Variants in LYRM2 observed in about 807,000 individuals in gnomAD.
LYRM2 encodes LYR motif containing 2, also known as LYR motif-containing protein 2.
LYRM2 carries 8 observed loss-of-function variants against 11.6 expected under a neutral mutation model. The observed-to-expected ratio is 0.69, with a 90% CI of 0.40 to 1.24. The LOEUF (loss-of-function observed/expected upper bound fraction) is 1.24, where lower values mean the gene tolerates loss of function less well. Among genes scored for constraint, LYRM2 ranks in the 50% most tolerant of loss-of-function variants. LYRM2 has a pLI of 0.01. For missense variants in LYRM2, 117 were observed against 102.9 expected (o/e 1.14, Z -0.59); for synonymous variants, 30 against 36.4 (o/e 0.83, Z 0.63).
At chr6:89,638,514 C>G (rs965440986) in intron 1 of LYRM2, 158 bp downstream of exon 1, 1 of 1,540,816 alleles carries the variant, frequency 6.5e-7, no homozygotes, top group South Asian at 1.2e-5. Flanking sequence ...CGTCAGGCCC[C>G]GCGGAGCGAA....
In LYRM2 at chr6:89,634,244, C is replaced by A. The variant is rs1349324583; in HGVS notation, c.*3029G>T. ...AGTTTGAAAAACCTTTTGTATTCTACAATACCTTTTATGAGTAAGAGTAAA... is the reference window on the plus strand; with the variant it reads ...AGTTTGAAAAACCTTTTGTATTCTAAAATACCTTTTATGAGTAAGAGTAAA... On this transcript the variant is annotated 3_prime_UTR_variant, in exon 3 of 3. Transcript: ENST00000523377. 1 of 152,198 alleles carries A rather than the reference C, an allele frequency of 6.6e-6. No homozygotes were observed. Among genetic ancestry groups the A allele is most frequent in the Non-Finnish European group, 1.5e-5 (1 of 68,036 alleles). The allele number at this position is 152,198 out of a possible 1,614,324, so 9.4% of individuals were successfully genotyped here.
At chr6:89,638,138 T>G (rs1373775442) in intron 1 of LYRM2, 1 of 611,960 alleles carries the variant, frequency 1.6e-6, no homozygotes, top group African/African-American at 1.9e-5. Flanking sequence ...ATTGCGCTAC[T>G]GCACTCAGCC....
rs1807726931 is a variant in LYRM2 at position 89,633,154 on chromosome 6, G to T, written c.*4119C>A. On this transcript the variant is annotated 3_prime_UTR_variant, in exon 3 of 3. Transcript: ENST00000523377. ...TACAGAAGAATGAGAAGGGTCAAAA[G>T]GACCTAGTGTGGCTTACTACATGGA... 1 of 152,158 alleles carries T rather than the reference G, an allele frequency of 6.6e-6. No homozygotes were observed. The highest frequency in any genetic ancestry group is 6.5e-5 in the Admixed American group (1 of 15,280). The allele number at this position is 152,158 out of a possible 1,614,324, so 9.4% of individuals were successfully genotyped here.
Position 89,634,911 on chromosome 6 carries a change from T to C in LYRM2, c.*2362A>G, listed in dbSNP as rs1042464294. ...TTCAATATGAGGCAGCCCTCCTGAG[T>C]AGCTGGAATTACAGGCACGTGCCAC... On this transcript the variant is annotated 3_prime_UTR_variant, in exon 3 of 3. Coordinates refer to ENST00000523377, the MANE Select transcript of LYRM2 (RefSeq NM_020466.5). 1.3e-5 allele frequency: 2 copies of C among 152,008 alleles called. No homozygotes were observed. The highest frequency in any genetic ancestry group is 2.4e-5 in the African/African-American group (1 of 41,340). The allele number at this position is 152,008 out of a possible 1,614,324, so 9.4% of individuals were successfully genotyped here.
At position 89,632,915 on chromosome 6, in the gene LYRM2, G is replaced by A. The variant is rs1304509504; in HGVS notation, c.*4358C>T. On this transcript the variant is annotated 3_prime_UTR_variant, in exon 3 of 3. Coordinates refer to ENST00000523377, the MANE Select transcript of LYRM2 (RefSeq NM_020466.5). Reference sequence around the variant, plus strand: ...AGAAATTAAATCCTGAGTTCAGTAGGCTGTGTTCCAAGCAGGAATTATTTT... The same window carrying A: ...AGAAATTAAATCCTGAGTTCAGTAGACTGTGTTCCAAGCAGGAATTATTTT... The A allele has an allele frequency of 6.6e-6, 1 of 152,166 alleles. No homozygotes were observed. The highest frequency in any genetic ancestry group is 1.9e-4 in the East Asian group (1 of 5,192). The allele number at this position is 152,166 out of a possible 1,614,324, so 9.4% of individuals were successfully genotyped here. A position where few individuals can be genotyped will look rare whatever the true frequency, so the allele number is the denominator to read the frequency against.
At position 89,635,955 on chromosome 6, in the gene LYRM2, C is replaced by T. The variant is rs1807992537; in HGVS notation, c.*1318G>A. On this transcript the variant is annotated 3_prime_UTR_variant, in exon 3 of 3. Transcript: ENST00000523377. The stretch of plus-strand genomic sequence containing the variant: ...GCTCATTAAGCTTCTCTTTCTCTTC[C>T]CTTTTCAACAAAGATCTAGATTCCC... The T allele has an allele frequency of 6.2e-6, 1 of 161,452 alleles. No homozygotes were observed. Among genetic ancestry groups the T allele is most frequent in the African/African-American group, 2.4e-5 (1 of 41,820 alleles). 10.0% of individuals were successfully genotyped at this position (161,452 alleles called of 1,614,324 possible).
rs1267768145 is a variant in LYRM2 at position 89,634,390 on chromosome 6, A to G, written c.*2883T>C. On this transcript the variant is annotated 3_prime_UTR_variant, in exon 3 of 3. Transcript: ENST00000523377. Reference sequence around the variant, plus strand: ...TTCTGCAATTTTAGAAAGTCATTCCATTCTGGGTGACAGAATGAGGTAAGA... The same window carrying G: ...TTCTGCAATTTTAGAAAGTCATTCCGTTCTGGGTGACAGAATGAGGTAAGA... 1 of 151,818 alleles carries G rather than the reference A, an allele frequency of 6.6e-6. No homozygotes were observed. Among genetic ancestry groups the G allele is most frequent in the African/African-American group, 2.4e-5 (1 of 41,362 alleles). The allele number at this position is 151,818 out of a possible 1,614,324, so 9.4% of individuals were successfully genotyped here.
At chr6:89,638,249 T>G in intron 1 of LYRM2, 1 of 1,123,802 alleles carries the variant, frequency 8.9e-7, no homozygotes, top group Non-Finnish European at 1.1e-6. Context: ...CTAAGAACCA[T>G]TAAAAAATCA....
In LYRM2 at chr6:89,633,285, A is replaced by G. The variant is rs1221059494; in HGVS notation, c.*3988T>C. 6 of 152,258 alleles carry G rather than the reference A, an allele frequency of 3.9e-5. No homozygotes were observed. Among genetic ancestry groups the G allele is most frequent in the South Asian group, 2.1e-4 (1 of 4,836 alleles). The allele number at this position is 152,258 out of a possible 1,614,324, so 9.4% of individuals were successfully genotyped here. Reference sequence around the variant, plus strand: ...CACCCAGAGATGGCAACATCTATTAAGACCAATGCAATACCTTTTCATCTT... The same window carrying G: ...CACCCAGAGATGGCAACATCTATTAGGACCAATGCAATACCTTTTCATCTT... On this transcript the variant is annotated 3_prime_UTR_variant, in exon 3 of 3. Transcript: ENST00000523377.
Position 89,636,998 on chromosome 6 carries a change from TACACTTCCCTA to T in LYRM2, c.*264_*274del. On this transcript the variant is annotated 3_prime_UTR_variant, in exon 3 of 3. Coordinates refer to ENST00000523377, the MANE Select transcript of LYRM2 (RefSeq NM_020466.5). ...ACCCGACCTCATAGTAGTTTTGATT[TACACTTCCCTA>T]ATGATTGTGTCCAGCATCTACTGGC... The T allele has an allele frequency of 7.2e-6, 2 of 276,438 alleles. No homozygotes were observed. The highest frequency in any genetic ancestry group is 1.4e-5 in the Non-Finnish European group (2 of 146,216). The allele number at this position is 276,438 out of a possible 1,614,324, so 17.1% of individuals were successfully genotyped here. A position where few individuals can be genotyped will look rare whatever the true frequency, so the allele number is the denominator to read the frequency against.
At chr6:89,638,228 C>T (rs950307931) in intron 1 of LYRM2, 15 of 1,037,492 alleles carry the variant, frequency 1.4e-5, no homozygotes, top group Non-Finnish European at 1.7e-5. Context: ...TTGCTTACTG[C>T]TCTGTCAAAC....
At position 89,637,865 on chromosome 6, in the gene LYRM2, T is replaced by C; in HGVS notation, c.63A>G (p.Gln21=). The C allele has an allele frequency of 1.2e-6, 2 of 1,613,964 alleles. No homozygotes were observed. The highest frequency in any genetic ancestry group is 1.7e-6 in the Non-Finnish European group (2 of 1,179,902). The change falls in exon 2 of 3, where the codon CAA becomes CAG. Residue 21 remains glutamine, a synonymous_variant. Coordinates refer to ENST00000523377, the MANE Select transcript of LYRM2 (RefSeq NM_020466.5). The part of the protein sequence containing the change: ...LTLKQFVRRQ[Q]VLLLYRRILQ... ...AAATCCTTCTGTAGAGGAGAAGAAC[T>C]TGTTGCCTTCTTACGAACTGTAAAA...
rs1343779318 is a variant in LYRM2, at chr6:89,637,102, G to A, written c.*171C>T. The A allele has an allele frequency of 2.0e-6, 1 of 492,800 alleles. No homozygotes were observed. Among genetic ancestry groups the A allele is most frequent in the East Asian group, 3.3e-5 (1 of 29,976 alleles). 30.5% of individuals were successfully genotyped at this position (492,800 alleles called of 1,614,324 possible). ...CATCCATAAACATTTTCAAAATGCA[G>A]GGTATGTTTTTCAGTGTTAAGGCAA... On this transcript the variant is annotated 3_prime_UTR_variant, in exon 3 of 3. Coordinates refer to ENST00000523377, the MANE Select transcript of LYRM2 (RefSeq NM_020466.5).
In LYRM2 at chr6:89,638,028, T is replaced by G. The variant is rs60578978; in HGVS notation, c.46-146A>C. On this transcript the variant is annotated intron_variant, in intron 1 of 2. Transcript: ENST00000523377. ...AGAAAAACTTTTTTTTTTCTTTTTTTGGCCAGATGCAGTGGCTCAGGCCTG... is the reference window on the plus strand; with the variant it reads ...AGAAAAACTTTTTTTTTTCTTTTTTGGGCCAGATGCAGTGGCTCAGGCCTG... 7.1e-4 allele frequency: 656 copies of G among 917,624 alleles called. 12 individuals are homozygous for G. The South Asian group carries it at 0.011, about 15-fold the overall frequency. 56.8% of individuals were successfully genotyped at this position (917,624 alleles called of 1,614,324 possible). A position where few individuals can be genotyped will look rare whatever the true frequency, so the allele number is the denominator to read the frequency against.
rs1807828544 is a variant in LYRM2, at chr6:89,633,579, ATTG to A, written c.*3691_*3693del. The A allele has an allele frequency of 2.6e-5, 4 of 152,196 alleles. No homozygotes were observed. The South Asian group carries it at 8.3e-4, about 32-fold the overall frequency. 9.4% of individuals were successfully genotyped at this position (152,196 alleles called of 1,614,324 possible). A position where few individuals can be genotyped will look rare whatever the true frequency, so the allele number is the denominator to read the frequency against. ...ACAGTATTAGTGTTTTTTTAAAGAA[ATTG>A]TTAGTGCATTATTGAGTATACTAAA... On this transcript the variant is annotated 3_prime_UTR_variant, in exon 3 of 3. Coordinates refer to ENST00000523377, the MANE Select transcript of LYRM2 (RefSeq NM_020466.5).
chr6:89,637,098 T>C lies in LYRM2; in HGVS notation c.*175A>G. ...GAGACATCCATAAACATTTTCAAAATGCAGGGTATGTTTTTCAGTGTTAAG... is the reference window on the plus strand; with the variant it reads ...GAGACATCCATAAACATTTTCAAAACGCAGGGTATGTTTTTCAGTGTTAAG... On this transcript the variant is annotated 3_prime_UTR_variant, in exon 3 of 3. Transcript: ENST00000523377. The C allele has an allele frequency of 2.0e-6, 1 of 490,842 alleles. No individual in the cohort carries two copies. Among genetic ancestry groups the C allele is most frequent in the Non-Finnish European group, 3.6e-6 (1 of 277,158 alleles). The allele number at this position is 490,842 out of a possible 1,614,324, so 30.4% of individuals were successfully genotyped here.
rs1217902608 is a variant in LYRM2 at position 89,635,506 on chromosome 6, T to TAA, written c.*1765_*1766dup. 1.3e-5 allele frequency: 2 copies of TAA among 152,406 alleles called. No homozygotes were observed. Among genetic ancestry groups the TAA allele is most frequent in the Non-Finnish European group, 2.9e-5 (2 of 68,084 alleles). 9.4% of individuals were successfully genotyped at this position (152,406 alleles called of 1,614,324 possible). ...GGTGGACCCTGACAGTCCAGGTCATTAACATCCACATTCAGTTGATGCCTC... is the reference window on the plus strand; with the variant it reads ...GGTGGACCCTGACAGTCCAGGTCATTAAAACATCCACATTCAGTTGATGCCTC... On this transcript the variant is annotated 3_prime_UTR_variant, in exon 3 of 3. Coordinates refer to ENST00000523377, the MANE Select transcript of LYRM2 (RefSeq NM_020466.5).
At position 89,635,695 on chromosome 6, in the gene LYRM2, C is replaced by G. The variant is rs531781926; in HGVS notation, c.*1578G>C. On this transcript the variant is annotated 3_prime_UTR_variant, in exon 3 of 3. Coordinates refer to ENST00000523377, the MANE Select transcript of LYRM2 (RefSeq NM_020466.5). ...TTCCAACATCTTCCACAAGCTTTCA[C>G]TTTCACTAAATTATTTTGTTATAAA... is the stretch of plus-strand genomic sequence containing the variant. 72 of 152,244 alleles carry G rather than the reference C, an allele frequency of 4.7e-4. No individual in the cohort carries two copies. Among genetic ancestry groups the G allele is most frequent in the African/African-American group, 1.6e-3 (67 of 41,462 alleles). The allele number at this position is 152,244 out of a possible 1,614,324, so 9.4% of individuals were successfully genotyped here. A position where few individuals can be genotyped will look rare whatever the true frequency, so the allele number is the denominator to read the frequency against.
chr6:89,637,684 A>T (rs1808047275), intron 2 of LYRM2, 58 bp downstream of exon 2: 1 of 1,566,234 alleles, frequency 6.4e-7, no homozygotes, highest in East Asian at 2.3e-5. Context: ...TTAAAAAAAA[A>T]AATTCACTGA....
Sources: gnomAD v4.1 joint callset for allele counts on GRCh38, gnomAD v4.1.1 for gene constraint, MANE v1.5 for transcripts, NCBI Gene and HGNC (gene_info 2026-07-23, HGNC 2026-07-21) for gene names.